The following LBP variants were observed in gnomAD, a reference collection of about 807,000 sequenced individuals.
The protein encoded by LBP is lipopolysaccharide-binding protein.
Under a neutral mutation model 56.6 loss-of-function variants are expected in LBP, and 53 were observed. The observed-to-expected ratio is 0.94, with a 90% CI of 0.75 to 1.18. The LOEUF (loss-of-function observed/expected upper bound fraction) is 1.18, where lower values mean the gene tolerates loss of function less well. Among genes scored for constraint, LBP ranks in the 50% most tolerant of loss-of-function variants. The pLI is 0.00. For synonymous variants in LBP, 227 were observed against 247.5 expected (o/e 0.92, Z 0.78); for missense variants, 601 against 598.3 (o/e 1.00, Z -0.05).
chr20:38,364,035 C>A lies in LBP; in HGVS notation c.713C>A (p.Ala238Glu). ...IDYSLVEAPR[A>E]TAQMLEVMFK... ...TATAGCTTAGTGGAAGCCCCTCGGG[C>A]AACAGCCCAGATGCTGGAGGTGATG... is the stretch of plus-strand genomic sequence containing the variant. Residue 238 changes from alanine to glutamate, a missense_variant, in exon 7 of 15, where the codon GCA (alanine) becomes GAA (glutamate). By Grantham distance (107) the Ala-to-Glu change is moderately radical. Transcript: ENST00000217407. 1.2e-6 allele frequency: 2 copies of A among 1,613,826 alleles called. No homozygotes were observed. Among genetic ancestry groups the A allele is most frequent in the Non-Finnish European group, 1.7e-6 (2 of 1,179,748 alleles).
At chr20:38,348,628 A>G (rs1392123278) in intron 1 of LBP, among the ~76,000 whole-genome samples, 1 of 151,398 alleles carries the variant, frequency 6.6e-6, no homozygotes, top group African/African-American at 2.4e-5. Flanking sequence ...TATAAACCCT[A>G]TTTGCTGTTC....
At chr20:38,371,618 T>C (rs770135082) in intron 12 of LBP, among the ~76,000 whole-genome samples, 16 of 152,312 alleles carry the variant, frequency 1.1e-4, no homozygotes, top group Admixed American at 2.0e-4. Flanking sequence ...GATTATATAA[T>C]TGAAAAGCAA....
rs1435460106 is a variant in LBP at position 38,364,018 on chromosome 20, A to C, written c.696A>C (p.Leu232Phe). 2.5e-6 allele frequency: 4 copies of C among 1,614,018 alleles called. No individual in the cohort carries two copies. The African/African-American group carries it at 4.0e-5, about 16-fold the overall frequency. ...GTTTCGCCGACATTGATTATAGCTTAGTGGAAGCCCCTCGGGCAACAGCCC... is the reference window on the plus strand; with the variant it reads ...GTTTCGCCGACATTGATTATAGCTTCGTGGAAGCCCCTCGGGCAACAGCCC... ...IDSFADIDYS[L>F]VEAPRATAQM... The change falls in exon 7 of 15, where the codon TTA (leucine) becomes TTC (phenylalanine). Residue 232 changes from leucine to phenylalanine, a missense_variant. Leu to Phe is a conservative substitution (Grantham distance 22). Coordinates refer to ENST00000217407, the MANE Select transcript of LBP (RefSeq NM_004139.5).
intron 1 of LBP, 27 bp downstream of exon 1, chr20:38,346,667 C>G (rs766835949): frequency 3.1e-6 from 5 of 1,612,314 alleles, no homozygotes; most frequent in Non-Finnish European, 4.2e-6. Flanking sequence ...GCTGGCTGGA[C>G]TTGGCAAACC....
At chr20:38,363,847 C>T (rs2076870490) in intron 6 of LBP, 128 bp from the exon 7 acceptor site, 1 of 674,082 alleles carries the variant, frequency 1.5e-6, no homozygotes, top group South Asian at 1.7e-5. Context: ...TTCTTTGCCT[C>T]AGGGCCGGGC....
intron 8 of LBP, 134 bp from the exon 9 acceptor site, chr20:38,366,635 A>G (rs2076882974): frequency 3.7e-6 from 3 of 816,118 alleles, no homozygotes; most frequent in African/African-American, 3.3e-5. Context: ...CAGGACAGGC[A>G]TCTCCTCCCT....
chr20:38,371,268 G>C lies in LBP; in HGVS notation c.1218-12G>C. 3 of 1,609,966 alleles carry C rather than the reference G, an allele frequency of 1.9e-6. No homozygotes were observed. Among genetic ancestry groups the C allele is most frequent in the Non-Finnish European group, 2.5e-6 (3 of 1,176,960 alleles). ...AAGCCCACACCTTTTAATCTTCTCT[G>C]ATTCATTACAGGGTAAAAGTGGAAC... On this transcript the variant is annotated splice_polypyrimidine_tract_variant and intron_variant, in intron 11 of 14. Transcript: ENST00000217407.
chr20:38,363,432 C>T (rs2076868725), intron 6 of LBP, among the ~76,000 whole-genome samples: 1 of 152,178 alleles, frequency 6.6e-6, no homozygotes, highest in Non-Finnish European at 1.5e-5. Context: ...TCTCTGGATC[C>T]AGGGTGCACA....
rs548129614 is a variant in LBP, at chr20:38,369,766, G to A, written c.1149+604G>A. 4.6e-5 allele frequency among the ~76,000 whole-genome samples: 7 copies of A among 152,250 alleles called. No homozygotes were observed. In the South Asian group the frequency reaches 1.0e-3, roughly 23 times the overall value. Reference sequence around the variant, plus strand: ...CCTGTCTCTGGATAATCTCTGGGTGGCCTCACCAACTCTTTACTAGCTTCT... The same window carrying A: ...CCTGTCTCTGGATAATCTCTGGGTGACCTCACCAACTCTTTACTAGCTTCT... On this transcript the variant is annotated intron_variant, in intron 10 of 14. Coordinates refer to ENST00000217407, the MANE Select transcript of LBP (RefSeq NM_004139.5).
At chr20:38,365,710 AAAAAAAAATAT>A (rs1397387615) in intron 8 of LBP, among the ~76,000 whole-genome samples, 2,692 of 41,948 alleles carry the variant, frequency 0.064, 34 homozygotes, top group Middle Eastern at 0.13. Flanking sequence ...AAAAAAAAAA[AAAAAAAAATAT>A]ATATATATAT....
At chr20:38,358,350 C>T (rs2122606544) in intron 5 of LBP, among the ~76,000 whole-genome samples, 1 of 152,278 alleles carries the variant, frequency 6.6e-6, no homozygotes, top group African/African-American at 2.4e-5. Context: ...CAGTCGCATC[C>T]TCAGGAGGCC....
Position 38,354,380 on chromosome 20 carries a change from T to G in LBP, c.465T>G (p.Thr155=). The G allele has an allele frequency of 6.2e-7, 1 of 1,613,600 alleles. No homozygotes were observed. The highest frequency in any genetic ancestry group is 8.5e-7 in the Non-Finnish European group (1 of 1,179,932). ...AGTCCTCCGGGAGGCCCACAGTTAC[T>G]GCCTCCAGCTGCAGCAGTGACATCG... The part of the protein sequence containing the change: ...GSESSGRPTV[T]ASSCSSDIAD... Residue 155 remains threonine, a synonymous_variant, in exon 4 of 15, where the codon ACT becomes ACG. Coordinates refer to ENST00000217407, the MANE Select transcript of LBP (RefSeq NM_004139.5).
chr20:38,353,647 T>C (rs1287374270), intron 3 of LBP, among the ~76,000 whole-genome samples: 1 of 152,094 alleles, frequency 6.6e-6, no homozygotes, highest in Non-Finnish European at 1.5e-5. Context: ...TCTCACTGAT[T>C]TGTGTTTCAG....
intron 13 of LBP, 123 bp from the exon 14 acceptor site, chr20:38,373,814 C>G (rs2076908833): frequency 1.2e-6 from 1 of 841,458 alleles, no homozygotes. Flanking sequence ...ACCTCATAGT[C>G]TTGGAAATCA....
chr20:38,368,164 G>C (rs913109623), intron 9 of LBP, among the ~76,000 whole-genome samples: 1 of 152,040 alleles, frequency 6.6e-6, no homozygotes, highest in Admixed American at 6.6e-5. Flanking sequence ...GTCATATTTC[G>C]AAAACACTGG....
At chr20:38,355,489 C>T in intron 5 of LBP, 80 bp downstream of exon 5, 1 of 1,268,816 alleles carries the variant, frequency 7.9e-7, no homozygotes, top group Non-Finnish European at 1.2e-6. Context: ...TGGCCCTGGA[C>T]CAGGCCATGG....
chr20:38,362,448 A>G (rs2076864413), intron 6 of LBP, among the ~76,000 whole-genome samples: 1 of 150,562 alleles, frequency 6.6e-6, no homozygotes, highest in East Asian at 2.0e-4. Context: ...CCCCGTCTCT[A>G]CTAAAAATAC....
chr20:38,356,236 C>A (rs1374796552), intron 5 of LBP, among the ~76,000 whole-genome samples: 1 of 126,630 alleles, frequency 7.9e-6, no homozygotes, highest in African/African-American at 3.5e-5. Context: ...CACACACACA[C>A]CCTACACACA....
chr20:38,358,215 G>T (rs1377725488), intron 5 of LBP, among the ~76,000 whole-genome samples: 3 of 152,192 alleles, frequency 2.0e-5, no homozygotes, highest in African/African-American at 7.2e-5. Context: ...CCTTGCCATT[G>T]TATCTTGTGA....
Sources: gnomAD v4.1 joint callset for allele counts (sites outside exome capture counted in the v4.1 genomes callset) on GRCh38, gnomAD v4.1.1 for gene constraint, MANE v1.5 for transcripts, NCBI Gene and HGNC (gene_info 2026-07-23, HGNC 2026-07-21) for gene names.